Variants in DLGAP2 observed in about 807,000 individuals in gnomAD.
DLGAP2 encodes DLG associated protein 2, also known as disks large-associated protein 2.
Under a neutral mutation model 100.3 loss-of-function variants are expected in DLGAP2, and 26 were observed. The ratio of observed to expected loss-of-function variants is 0.26; its 90% confidence interval spans 0.19 to 0.36. The LOEUF (loss-of-function observed/expected upper bound fraction) is 0.36, where lower values mean the gene tolerates loss of function less well. Ranked by LOEUF, DLGAP2 falls within the 10% of genes least tolerant of loss-of-function variation. DLGAP2 has a pLI of 1.00. For missense variants in DLGAP2, 1,858 were observed against 1,453.2 expected (o/e 1.28, Z -4.53); for synonymous variants, 886 against 630.1 (o/e 1.41, Z -6.08).
intron 1 of DLGAP2, among the ~76,000 whole-genome samples, chr8:776,324 G>A (rs1279132689): frequency 1.3e-5 from 2 of 151,804 alleles, no homozygotes; most frequent in Non-Finnish European, 2.9e-5. Context: ...TTAATTTTTT[G>A]AAGGGTTTTT....
intron 2 of DLGAP2, among the ~76,000 whole-genome samples, chr8:1,149,718 A>G (rs985416147): frequency 1.3e-5 from 2 of 152,118 alleles, no homozygotes; most frequent in African/African-American, 4.8e-5. Context: ...TGTATTCTCC[A>G]CTTATTTTAT....
At chr8:1,558,712 CACATT>C (rs2130550874) in intron 5 of DLGAP2, among the ~76,000 whole-genome samples, 1 of 147,878 alleles carries the variant, frequency 6.8e-6, no homozygotes, top group Admixed American at 6.8e-5. Context: ...CACGTATACA[CACATT>C]ACACATACCC....
chr8:1,255,006 CT>C (rs1799151174), intron 2 of DLGAP2, among the ~76,000 whole-genome samples: 1 of 98,232 alleles, frequency 1.0e-5, no homozygotes, highest in African/African-American at 5.5e-5. Context: ...TCTCATCCTG[CT>C]TGGGCGCTGT....
intron 6 of DLGAP2, among the ~76,000 whole-genome samples, chr8:1,616,412 A>G (rs1379167069): frequency 6.6e-6 from 1 of 152,186 alleles, no homozygotes. Flanking sequence ...AACTCTAAGA[A>G]GATAAATAGA....
chr8:1,130,727 A>G (rs2129049036), intron 2 of DLGAP2, among the ~76,000 whole-genome samples: 1 of 152,318 alleles, frequency 6.6e-6, no homozygotes, highest in South Asian at 2.1e-4. Context: ...CCCAAGACAG[A>G]CCGCACCAGA....
intron 3 of DLGAP2, among the ~76,000 whole-genome samples, chr8:1,412,003 G>C (rs1182207917): frequency 1.3e-5 from 2 of 152,196 alleles, no homozygotes; most frequent in Non-Finnish European, 2.9e-5. Flanking sequence ...GGAAGACACA[G>C]ATGCCATGGG....
At chr8:1,122,917 A>T (rs1203143861) in intron 2 of DLGAP2, among the ~76,000 whole-genome samples, 1 of 152,212 alleles carries the variant, frequency 6.6e-6, no homozygotes, top group African/African-American at 2.4e-5. Context: ...GAAGAGTGTG[A>T]TACCAGCTCT....
At chr8:1,537,009 G>A (rs187410076) in intron 4 of DLGAP2, among the ~76,000 whole-genome samples, 20 of 152,038 alleles carry the variant, frequency 1.3e-4, no homozygotes, top group African/African-American at 4.3e-4. Context: ...CAATGATTAC[G>A]GGCCCTTCAC....
intron 1 of DLGAP2, among the ~76,000 whole-genome samples, chr8:836,848 C>G (rs1796887549): frequency 6.6e-6 from 1 of 152,050 alleles, no homozygotes; most frequent in Non-Finnish European, 1.5e-5. Flanking sequence ...CCATACCAGA[C>G]TCTGCGCTCG....
At chr8:764,729 C>T (rs1316531900) in intron 1 of DLGAP2, among the ~76,000 whole-genome samples, 6 of 152,188 alleles carry the variant, frequency 3.9e-5, no homozygotes, top group Non-Finnish European at 7.4e-5. Context: ...AGAGGAATGA[C>T]TTGTGCCGTC....
intron 3 of DLGAP2, among the ~76,000 whole-genome samples, chr8:1,411,716 T>A (rs986429991): frequency 6.6e-6 from 1 of 152,216 alleles, no homozygotes; most frequent in African/African-American, 2.4e-5. Context: ...CTCACGAAGC[T>A]GCGTGTCTAC....
chr8:1,626,636 G>A (rs891700710), intron 6 of DLGAP2, 104 bp from the exon 7 acceptor site: 6 of 1,439,718 alleles, frequency 4.2e-6, no homozygotes, highest in South Asian at 1.3e-5. Flanking sequence ...CCTCTGCCCT[G>A]TGGTGGGTGC....
In DLGAP2 at chr8:936,099, T is replaced by A. The variant is rs574657318; in HGVS notation, c.73+28133T>A. On this transcript the variant is annotated intron_variant, in intron 2 of 14. Coordinates refer to ENST00000637795, the MANE Select transcript of DLGAP2 (RefSeq NM_001346810.2). ...GTTGTGGGTTGAGCTGCCGGTGTGT[T>A]CTGACTGAGTGGAACAGAACACTGT... is the stretch of plus-strand genomic sequence containing the variant. 3.0e-4 allele frequency among the ~76,000 whole-genome samples: 46 copies of A among 152,238 alleles called. 1 individual carries two copies. The highest frequency in any genetic ancestry group is 1.1e-3 in the African/African-American group (44 of 41,542).
chr8:1,129,296 G>C (rs1232539000), intron 2 of DLGAP2, among the ~76,000 whole-genome samples: 1 of 151,760 alleles, frequency 6.6e-6, no homozygotes, highest in Non-Finnish European at 1.5e-5. Flanking sequence ...CCAGCTGCTC[G>C]GGAGGCTGAG....
intron 2 of DLGAP2, among the ~76,000 whole-genome samples, chr8:1,003,878 A>G (rs1296449452): frequency 6.6e-6 from 1 of 152,254 alleles, no homozygotes; most frequent in African/African-American, 2.4e-5. Flanking sequence ...CACAAGCCAT[A>G]CAGACATTTC....
chr8:1,593,702 A>AG (rs75347231), intron 6 of DLGAP2, among the ~76,000 whole-genome samples: 46,851 of 151,868 alleles, frequency 0.31, 7,665 homozygotes, highest in East Asian at 0.53. Flanking sequence ...GAGCTCCCAG[A>AG]GTCTGGCCTC....
chr8:756,316 T>C (rs887947257), intron 1 of DLGAP2, among the ~76,000 whole-genome samples: 2 of 151,954 alleles, frequency 1.3e-5, no homozygotes, highest in Non-Finnish European at 2.9e-5. Context: ...TGTGGGCAGG[T>C]TGGGGCTGAC....
intron 12 of DLGAP2, among the ~76,000 whole-genome samples, chr8:1,682,031 C>G (rs1798963850): frequency 6.6e-6 from 1 of 152,174 alleles, no homozygotes; most frequent in South Asian, 2.1e-4. Flanking sequence ...GGCATCAAGT[C>G]AAGAAGTTCC....
chr8:1,190,859 C>T (rs916986690), intron 2 of DLGAP2, among the ~76,000 whole-genome samples: 7 of 152,178 alleles, frequency 4.6e-5, no homozygotes, highest in African/African-American at 1.7e-4. Flanking sequence ...GCGCACGCAG[C>T]AGCAAGCGTG....
Sources: allele counts gnomAD v4.1 joint callset (sites outside exome capture counted in the v4.1 genomes callset), GRCh38; gene constraint gnomAD v4.1.1; transcripts MANE v1.5; gene names NCBI Gene and HGNC (gene_info 2026-07-23, HGNC 2026-07-21).